Variants in HAUS8 observed in about 807,000 individuals in gnomAD.
HAUS8 encodes the protein HAUS augmin like complex subunit 8.
Under a neutral mutation model 42.9 loss-of-function variants are expected in HAUS8, and 38 were observed. The observed-to-expected ratio is 0.89, with a 90% CI of 0.68 to 1.16. The LOEUF (loss-of-function observed/expected upper bound fraction) is 1.16, where lower values mean the gene tolerates loss of function less well. Among genes scored for constraint, HAUS8 ranks in the 50% most tolerant of loss-of-function variants. The pLI is 0.00. For synonymous variants in HAUS8, 199 were observed against 205.8 expected, an observed-to-expected ratio of 0.97 and a Z score of 0.28; for missense variants, 494 against 511.6, an observed-to-expected ratio of 0.97 and a Z score of 0.33.
chr19:17,063,502 A>G (rs2057372579), intron 3 of HAUS8, among the ~76,000 whole-genome samples: 1 of 152,236 alleles, frequency 6.6e-6, no homozygotes, highest in South Asian at 2.1e-4. Flanking sequence ...ATCCCCGAAC[A>G]TCTTCAAAAC....
chr19:17,070,989 G>T (rs1380549849), intron 2 of HAUS8, among the ~76,000 whole-genome samples: 1 of 151,142 alleles, frequency 6.6e-6, no homozygotes, highest in Non-Finnish European at 1.5e-5. Context: ...AGAATCACTG[G>T]AATCCAGGAG....
intron 9 of HAUS8, chr19:17,053,695 C>CTCTGTCA: frequency 6.9e-6 from 1 of 145,938 alleles, no homozygotes; most frequent in African/African-American, 2.6e-5. Flanking sequence ...CAGAGTCTTG[C>CTCTGTCA]TCTGTCACCC....
At chr19:17,052,397 C>A (rs1264747516) in intron 10 of HAUS8, 1 of 168,376 alleles carries the variant, frequency 5.9e-6, no homozygotes, top group East Asian at 1.8e-4. Flanking sequence ...CCCATTAGCT[C>A]AAAAATGACT....
intron 3 of HAUS8, 56 bp from the exon 4 acceptor site, chr19:17,062,835 G>A (rs945437962): frequency 2.6e-5 from 33 of 1,292,580 alleles, no homozygotes; most frequent in African/African-American, 2.2e-4. Context: ...TCACAACAAC[G>A]GGCCCTGATG....
At chr19:17,061,537 T>C (rs1482497422) in intron 4 of HAUS8, among the ~76,000 whole-genome samples, 1 of 152,236 alleles carries the variant, frequency 6.6e-6, no homozygotes, top group Non-Finnish European at 1.5e-5. Flanking sequence ...TACAAAGCCA[T>C]ACAATGGAAC....
At chr19:17,074,992 C>T in intron 1 of HAUS8, 1 of 217,594 alleles carries the variant, frequency 4.6e-6, no homozygotes, top group South Asian at 8.1e-5. Context: ...TTTGGTCGCC[C>T]AACACTTGTT....
At chr19:17,064,124 T>TTAAAA (rs1229534359) in intron 3 of HAUS8, among the ~76,000 whole-genome samples, 1 of 152,158 alleles carries the variant, frequency 6.6e-6, no homozygotes, top group Non-Finnish European at 1.5e-5. Flanking sequence ...GAGATTGAAA[T>TTAAAA]TAAAATAGAG....
rs2123397229 is a variant in HAUS8 at position 17,075,433 on chromosome 19, T to G, written c.-11A>C. On this transcript the variant is annotated 5_prime_UTR_variant, in exon 1 of 11. Transcript: ENST00000253669. ...CGAGGAATCCGCCATTTTCCCGCCTTCCACCTCAAGGCCCGACCCGCCGGC... is the reference window on the plus strand; with the variant it reads ...CGAGGAATCCGCCATTTTCCCGCCTGCCACCTCAAGGCCCGACCCGCCGGC... 6.2e-7 allele frequency: 1 copy of G among 1,613,632 alleles called. No individual in the cohort carries two copies. The highest frequency in any genetic ancestry group is 2.2e-5 in the East Asian group (1 of 44,860).
chr19:17,062,046 T>C (rs796416547), intron 4 of HAUS8, among the ~76,000 whole-genome samples: 22 of 152,370 alleles, frequency 1.4e-4, no homozygotes, highest in African/African-American at 5.3e-4. Context: ...AATAGTTTTA[T>C]TGGCACACAG....
At chr19:17,058,259 G>A (rs1568636353) in intron 8 of HAUS8, among the ~76,000 whole-genome samples, 1 of 152,234 alleles carries the variant, frequency 6.6e-6, no homozygotes, top group African/African-American at 2.4e-5. Flanking sequence ...GAGTCCCAGA[G>A]CACGTCATCC....
intron 3 of HAUS8, among the ~76,000 whole-genome samples, chr19:17,068,241 G>A (rs1175534955): frequency 1.3e-5 from 2 of 151,672 alleles, no homozygotes; most frequent in African/African-American, 4.8e-5. Context: ...AGCCTCCTGA[G>A]TAGCTGGGAT....
intron 4 of HAUS8, among the ~76,000 whole-genome samples, chr19:17,061,032 G>T (rs1419714791): frequency 1.3e-5 from 2 of 152,042 alleles, no homozygotes; most frequent in African/African-American, 4.8e-5. Flanking sequence ...GATTTGTGTT[G>T]AAATTCTTAA....
At chr19:17,062,508 G>T (rs923481063) in intron 4 of HAUS8, among the ~76,000 whole-genome samples, 190 bp downstream of exon 4, 2 of 152,088 alleles carry the variant, frequency 1.3e-5, no homozygotes, top group African/African-American at 4.8e-5. Flanking sequence ...GGGAAGAAAT[G>T]ATCTCCCCTT....
intron 4 of HAUS8, 44 bp downstream of exon 4, chr19:17,062,654 A>G: frequency 6.8e-7 from 1 of 1,480,980 alleles, no homozygotes; most frequent in Non-Finnish European, 9.4e-7. Context: ...GACAAAATTT[A>G]CTGCCGCGCT....
At chr19:17,056,668 G>A (rs1344517137) in intron 8 of HAUS8, among the ~76,000 whole-genome samples, 1 of 152,076 alleles carries the variant, frequency 6.6e-6, no homozygotes, top group Non-Finnish European at 1.5e-5. Context: ...TCGGCTCACT[G>A]CAACCTCTGC....
rs761083377 is a variant in HAUS8 at position 17,075,405 on chromosome 19, C to A, written c.18G>T (p.Gly6=). 2 of 1,613,952 alleles carry A rather than the reference C, an allele frequency of 1.2e-6. No individual in the cohort carries two copies. Among genetic ancestry groups the A allele is most frequent in the Middle Eastern group, 1.6e-4 (1 of 6,062 alleles). The change falls in exon 1 of 11, where the codon GGG becomes GGT. Residue 6 remains glycine (G), a synonymous_variant. Transcript: ENST00000253669. The part of the protein sequence containing the change: MADSS[G]RGAGKPATGP... ...AAGCCCCAACTCACCCAGCGCCTCG[C>A]CCCGAGGAATCCGCCATTTTCCCGC... is the stretch of plus-strand genomic sequence containing the variant.
intron 3 of HAUS8, among the ~76,000 whole-genome samples, chr19:17,064,119 T>G (rs1289889296): frequency 1.3e-5 from 2 of 152,176 alleles, no homozygotes; most frequent in African/African-American, 4.8e-5. Context: ...GTTTGGAGAT[T>G]GAAATTAAAA....
intron 3 of HAUS8, among the ~76,000 whole-genome samples, chr19:17,063,767 G>C (rs2057373818): frequency 6.6e-6 from 1 of 152,128 alleles, no homozygotes; most frequent in Non-Finnish European, 1.5e-5. Flanking sequence ...CTTCCTGCTT[G>C]CCTGGTTGAG....
intron 10 of HAUS8, chr19:17,051,633 C>T: frequency 6.7e-6 from 1 of 149,170 alleles, no homozygotes. Context: ...CACCCTTTCT[C>T]TTCCAGCTGC....
Sources: allele counts gnomAD v4.1 joint callset (sites outside exome capture counted in the v4.1 genomes callset), GRCh38; gene constraint gnomAD v4.1.1; transcripts MANE v1.5; gene names NCBI Gene and HGNC (gene_info 2026-07-23, HGNC 2026-07-21).